RBFOX3: variants seen among roughly 807,000 people sequenced by gnomAD.
The protein encoded by RBFOX3 is RNA binding fox-1 homolog 3.
In RBFOX3, 17 loss-of-function variants were observed where a neutral mutation model predicts 48.7. That is an observed-to-expected ratio of 0.35 (90% CI 0.24 to 0.52). The LOEUF is 0.52. RBFOX3 is among the 20% of genes least tolerant of loss of function. The pLI, the probability that RBFOX3 is intolerant of heterozygous loss-of-function variation, is 0.94. For missense variants in RBFOX3, 382 were observed against 497.5 expected, an observed-to-expected ratio of 0.77 and a Z score of 2.21; for synonymous variants, 212 against 209.5, an observed-to-expected ratio of 1.01 and a Z score of -0.10.
chr17:79,619,002 G>C, the RBFOX3 span, among the ~76,000 whole-genome samples: 43 of 152,200 alleles, frequency 2.8e-4, no homozygotes, highest in Admixed American at 7.2e-4. Flanking sequence ...AGAAAGACAC[G>C]TGCATTTTTC....
rs139152878 is a variant in RBFOX3, at chr17:79,212,915, C to T, written c.-34+22851G>A. ...TGTTGCCCAGGCTGGAGTGCAGTGG[C>T]GCAATCTCAGATCACTGCAACCTCC... On this transcript the variant is annotated intron_variant, in intron 4 of 14. Transcript: ENST00000693108. This position sits in a 1 kb window ranked among gnomAD's most constrained non-coding sequence, Gnocchi z 4.7. Among the ~76,000 whole-genome samples, 53 of 152,246 alleles carry T rather than the reference C, an allele frequency of 3.5e-4. No individual in the cohort carries two copies. The East Asian group carries it at 6.2e-3, about 18-fold the overall frequency.
intron 1 of RBFOX3, among the ~76,000 whole-genome samples, chr17:79,547,796 C>G (rs1418778953): frequency 1.3e-5 from 2 of 152,140 alleles, no homozygotes; most frequent in African/African-American, 4.8e-5. Flanking sequence ...AGCCCCTCTC[C>G]CTGGACAAGG....
chr17:79,543,225 C>T (rs922786613), intron 1 of RBFOX3, among the ~76,000 whole-genome samples: 17 of 152,140 alleles, frequency 1.1e-4, no homozygotes, highest in African/African-American at 3.4e-4. Flanking sequence ...TCACCTCCTC[C>T]ACGCCTTACT....
chr17:79,306,770 CCGGGTGT>C (rs2076160985), intron 3 of RBFOX3, among the ~76,000 whole-genome samples: 1 of 152,232 alleles, frequency 6.6e-6, no homozygotes, highest in Non-Finnish European at 1.5e-5. Context: ...GCCTCCCGTG[CCGGGTGT>C]CCTCCTCCAC....
At chr17:79,585,095 A>G (rs1331870489) in intron 1 of RBFOX3, among the ~76,000 whole-genome samples, 2 of 152,010 alleles carry the variant, frequency 1.3e-5, no homozygotes, top group African/African-American at 2.4e-5. Context: ...CTCTGGGGAA[A>G]GTGTGGGGGG....
chr17:79,269,993 T>A (rs1218964659), intron 3 of RBFOX3, among the ~76,000 whole-genome samples: 1 of 152,006 alleles, frequency 6.6e-6, no homozygotes, highest in Non-Finnish European at 1.5e-5. Context: ...CTGCTGCTTC[T>A]CCATTCAGCG....
chr17:79,497,032 G>A (rs1165508200), intron 1 of RBFOX3, among the ~76,000 whole-genome samples: 13 of 152,236 alleles, frequency 8.5e-5, no homozygotes, highest in African/African-American at 3.1e-4. Flanking sequence ...TCAAAGAAGC[G>A]GGGCTGTCAT....
intron 8 of RBFOX3, 107 bp from the exon 9 acceptor site, chr17:79,101,751 C>G: frequency 7.2e-6 from 7 of 973,108 alleles, no homozygotes; most frequent in Non-Finnish European, 1.1e-5. Flanking sequence ...CACCCCCCGC[C>G]CCAGCCTCCT....
At chr17:79,107,740 C>T (rs2077670223) in intron 5 of RBFOX3, among the ~76,000 whole-genome samples, 2 of 152,240 alleles carry the variant, frequency 1.3e-5, no homozygotes, top group African/African-American at 4.8e-5. Context: ...AGGGCCTCTA[C>T]AGGCCAGTTC....
chr17:79,199,917 T>C lies in RBFOX3; in HGVS notation c.-34+35849A>G, dbSNP rs1256471937. The stretch of plus-strand genomic sequence containing the variant: ...GGCTCACGCCTGTAATCCCAGCACT[T>C]TGGGAGGCCGAGGTGGGTGGATCAC... On this transcript the variant is annotated intron_variant, in intron 4 of 14. Transcript: ENST00000693108. The surrounding 1 kb of genome is among the most constrained non-coding windows in gnomAD (Gnocchi z 5.1). Among the ~76,000 whole-genome samples the C allele has an allele frequency of 6.6e-5, 10 of 152,076 alleles. No individual in the cohort carries two copies. The highest frequency in any genetic ancestry group is 6.2e-4 in the South Asian group (3 of 4,814).
intron 2 of RBFOX3, among the ~76,000 whole-genome samples, chr17:79,409,962 C>A (rs1317399193): frequency 6.6e-6 from 1 of 152,224 alleles, no homozygotes; most frequent in Non-Finnish European, 1.5e-5. Flanking sequence ...AGTCTCCTGG[C>A]ATCTTGGGTG....
intron 1 of RBFOX3, among the ~76,000 whole-genome samples, chr17:79,585,189 T>TA: frequency 6.6e-6 from 1 of 152,092 alleles, no homozygotes; most frequent in Non-Finnish European, 1.5e-5. Context: ...AAATCACCAC[T>TA]AAAAAGCTTG....
intron 2 of RBFOX3, among the ~76,000 whole-genome samples, chr17:79,360,816 G>A (rs1163771531): frequency 7.3e-6 from 1 of 136,442 alleles, no homozygotes; most frequent in African/African-American, 2.8e-5. Flanking sequence ...AATTGCTCTG[G>A]ATCAAATTCC....
At chr17:79,222,151 T>C (rs116492195) in intron 4 of RBFOX3, among the ~76,000 whole-genome samples, 4 of 113,048 alleles carry the variant, frequency 3.5e-5, no homozygotes, top group African/African-American at 6.2e-5. Context: ...TTCTACCTGC[T>C]GCCTGATTTC....
the RBFOX3 span, among the ~76,000 whole-genome samples, chr17:79,648,978 C>CT: frequency 0.51 from 67,425 of 133,058 alleles, 18,557 homozygotes; most frequent in Non-Finnish European, 0.63. Context: ...TGAAAAATGT[C>CT]TTTTTTTTTT....
intron 1 of RBFOX3, among the ~76,000 whole-genome samples, chr17:79,511,929 G>C (rs1381708278): frequency 0.023 from 1,169 of 51,096 alleles, 18 homozygotes; most frequent in African/African-American, 0.078. Context: ...ACCCGGATAC[G>C]TGTTACCATC....
intron 5 of RBFOX3, among the ~76,000 whole-genome samples, chr17:79,109,218 C>T (rs903178219): frequency 2.0e-5 from 3 of 152,170 alleles, no homozygotes; most frequent in East Asian, 1.9e-4. Flanking sequence ...GCAAGCTGGG[C>T]GGCTGCTCCT....
rs889995302 is a variant in RBFOX3, at chr17:79,584,456, C to A, written c.-320+26370G>T. Among the ~76,000 whole-genome samples the A allele has an allele frequency of 1.1e-3, 169 of 152,280 alleles. 1 individual carries two copies. In the East Asian group the frequency reaches 0.026, roughly 23 times the overall value. On this transcript the variant is annotated intron_variant, in intron 1 of 14. Transcript: ENST00000693108. ...ATTTGCTCATGCATGTTTATAGCAG[C>A]ACAATCCGCAATTACAAAAATATGG... is the stretch of plus-strand genomic sequence containing the variant.
At chr17:79,591,182 G>A (rs2093405687) in intron 1 of RBFOX3, among the ~76,000 whole-genome samples, 1 of 152,184 alleles carries the variant, frequency 6.6e-6, no homozygotes, top group Non-Finnish European at 1.5e-5. Context: ...GAGGCCCCCT[G>A]AACCTGGCAG....
Sources: allele counts gnomAD v4.1 joint callset (sites outside exome capture counted in the v4.1 genomes callset), GRCh38; gene constraint gnomAD v4.1.1; non-coding constraint Gnocchi (gnomAD v3.1); transcripts MANE v1.5; gene names NCBI Gene and HGNC (gene_info 2026-07-23, HGNC 2026-07-21).